AKAP6: variants seen among roughly 807,000 people sequenced by gnomAD.
AKAP6 encodes the protein A-kinase anchoring protein 6, also known as A-kinase anchor protein 6.
A neutral mutation model predicts 188.5 loss-of-function variants in AKAP6; 58 were observed. The ratio of observed to expected loss-of-function variants is 0.31; its 90% confidence interval spans 0.25 to 0.38. The LOEUF is 0.38. AKAP6 is among the 10% of genes least tolerant of loss of function. AKAP6 has a pLI of 1.00. For synonymous variants in AKAP6, 989 were observed against 998.6 expected (o/e 0.99, Z 0.18); for missense variants, 2,710 against 2,740.0 (o/e 0.99, Z 0.24).
intron 7 of AKAP6, among the ~76,000 whole-genome samples, chr14:32,618,810 C>T (rs1326853189): frequency 1.3e-5 from 2 of 152,186 alleles, no homozygotes; most frequent in African/African-American, 2.4e-5. Context: ...TACATTCCCA[C>T]CAGCAGTGTA....
At position 32,535,269 on chromosome 14, in the gene AKAP6, G is replaced by A. The variant is rs551909890; in HGVS notation, c.325-285G>A. On this transcript the variant is annotated intron_variant, in intron 2 of 13. Coordinates refer to ENST00000280979, the MANE Select transcript of AKAP6 (RefSeq NM_004274.5). ...AAAAAAGAGAGCAGTGAATTGGAGA[G>A]ATGCACCTCTCACCTTGGCTGACTT... Among the ~76,000 whole-genome samples, 143 of 152,300 alleles carry A rather than the reference G, an allele frequency of 9.4e-4. 1 individual carries two copies. Among genetic ancestry groups the A allele is most frequent in the African/African-American group, 1.8e-3 (73 of 41,568 alleles).
chr14:32,429,639 A>G (rs2138693811), intron 1 of AKAP6, among the ~76,000 whole-genome samples: 1 of 152,354 alleles, frequency 6.6e-6, no homozygotes, highest in South Asian at 2.1e-4. Context: ...CACATATACC[A>G]TTCTTTTCCT....
intron 4 of AKAP6, among the ~76,000 whole-genome samples, chr14:32,564,099 T>A (rs1884085714): frequency 6.6e-6 from 1 of 152,162 alleles, no homozygotes. Context: ...AAATTATCAC[T>A]AGGTTACTTG....
At chr14:32,446,844 G>T (rs1890771068) in intron 2 of AKAP6, among the ~76,000 whole-genome samples, 1 of 152,022 alleles carries the variant, frequency 6.6e-6, no homozygotes, top group African/African-American at 2.4e-5. Flanking sequence ...TTATTTGATA[G>T]AATTTTATGG....
chr14:32,829,895 C>A lies in AKAP6; in HGVS notation c.*90C>A. ...GGTGGCCTCATCCTCCCGCCCTGGG[C>A]TGGCCTCTGGTTCCATCACGTTTGT... On this transcript the variant is annotated 3_prime_UTR_variant, in exon 14 of 14. Transcript: ENST00000280979. 1.4e-6 allele frequency: 1 copy of A among 702,736 alleles called. No homozygotes were observed. Among genetic ancestry groups the A allele is most frequent in the Middle Eastern group, 2.3e-4 (1 of 4,364 alleles). The allele number at this position is 702,736 out of a possible 1,614,324, so 43.5% of individuals were successfully genotyped here. A position where few individuals can be genotyped will look rare whatever the true frequency, so the allele number is the denominator to read the frequency against.
chr14:32,363,877 A>G (rs1887742153), intron 1 of AKAP6, among the ~76,000 whole-genome samples: 2 of 152,212 alleles, frequency 1.3e-5, no homozygotes. Context: ...TAAAAAGGCG[A>G]ATAGGTGGTT....
chr14:32,419,300 G>C (rs1247019963), intron 1 of AKAP6, among the ~76,000 whole-genome samples: 3 of 152,256 alleles, frequency 2.0e-5, no homozygotes, highest in African/African-American at 7.2e-5. Context: ...TGACATCAGA[G>C]TCTTCTAAGG....
At chr14:32,507,018 G>C (rs1880915971) in intron 2 of AKAP6, among the ~76,000 whole-genome samples, 1 of 152,072 alleles carries the variant, frequency 6.6e-6, no homozygotes, top group Non-Finnish European at 1.5e-5. Flanking sequence ...GGAGACACTG[G>C]TGACTAGCAT....
chr14:32,448,085 G>A (rs1371638090), intron 2 of AKAP6, among the ~76,000 whole-genome samples: 3 of 152,180 alleles, frequency 2.0e-5, no homozygotes, highest in Non-Finnish European at 4.4e-5. Context: ...TTTGTAGTTG[G>A]ATAACAATAC....
rs141997569 is a variant in AKAP6, at chr14:32,394,466, C to A, written c.-34-38994C>A. Among the ~76,000 whole-genome samples the A allele has an allele frequency of 6.1e-3, 929 of 152,226 alleles. 47 individuals are homozygous for A. The highest frequency in any genetic ancestry group is 0.054 in the Admixed American group (827 of 15,282). ...ACTTCTACAAGGTGAGATGGAACAT[C>A]AGTGTCAGAGTCTCAAAAAGAATAA... On this transcript the variant is annotated intron_variant, in intron 1 of 13. Transcript: ENST00000280979.
intron 12 of AKAP6, among the ~76,000 whole-genome samples, chr14:32,814,854 G>A (rs1319953277): frequency 1.3e-5 from 2 of 152,032 alleles, no homozygotes; most frequent in African/African-American, 2.4e-5. Context: ...TCAGCCTTAC[G>A]AGTAGCTGGG....
At chr14:32,799,471 A>T (rs1274617763) in intron 12 of AKAP6, among the ~76,000 whole-genome samples, 2 of 146,640 alleles carry the variant, frequency 1.4e-5, no homozygotes, top group African/African-American at 5.0e-5. Context: ...AGCTCTAAGC[A>T]CTACTTTTGT....
chr14:32,368,057 T>C (rs1011783281), intron 1 of AKAP6, among the ~76,000 whole-genome samples: 3 of 152,160 alleles, frequency 2.0e-5, no homozygotes, highest in African/African-American at 4.8e-5. Flanking sequence ...TAATCTTTTT[T>C]CTAGAAATTT....
chr14:32,821,318 TC>T, intron 12 of AKAP6, 83 bp from the exon 13 acceptor site: 1 of 1,456,382 alleles, frequency 6.9e-7, no homozygotes, highest in Non-Finnish European at 9.2e-7. Context: ...CTTTCCTGAG[TC>T]TTCTGAGAGA....
At chr14:32,669,696 C>G (rs941527938) in intron 7 of AKAP6, among the ~76,000 whole-genome samples, 2 of 152,174 alleles carry the variant, frequency 1.3e-5, no homozygotes. Context: ...AATTGACTCA[C>G]AGTTCTGCAT....
chr14:32,475,474 T>G (rs754601249), intron 2 of AKAP6, among the ~76,000 whole-genome samples: 1 of 152,148 alleles, frequency 6.6e-6, no homozygotes, highest in Admixed American at 6.5e-5. Flanking sequence ...GGGCAAGATG[T>G]CTTGAAGGAC....
At chr14:32,493,931 G>A (rs377243686) in intron 2 of AKAP6, among the ~76,000 whole-genome samples, 13 of 152,114 alleles carry the variant, frequency 8.5e-5, no homozygotes, top group African/African-American at 2.9e-4. Context: ...GCACTGAGGA[G>A]GGGTCATTAA....
Position 32,823,622 on chromosome 14 carries a change from G to A in AKAP6, c.5809G>A (p.Ala1937Thr), listed in dbSNP as rs1208127627. ...ISESEHCKCK[A>T]LMDSLDDSNT... ...AGAGAGTGAGCATTGTAAGTGTAAAGCACTTATGGATAGTTTAGATGATTC... is the reference window on the plus strand; with the variant it reads ...AGAGAGTGAGCATTGTAAGTGTAAAACACTTATGGATAGTTTAGATGATTC... Residue 1937 changes from alanine (A) to threonine (T), a missense_variant, in exon 13 of 14, where the codon GCA becomes ACA. Transcript: ENST00000280979. The A allele has an allele frequency of 6.2e-7, 1 of 1,613,766 alleles. No homozygotes were observed. Among genetic ancestry groups the A allele is most frequent in the East Asian group, 2.2e-5 (1 of 44,860 alleles).
intron 9 of AKAP6, among the ~76,000 whole-genome samples, chr14:32,701,236 A>G (rs1321714076): frequency 1.3e-5 from 2 of 152,186 alleles, no homozygotes; most frequent in African/African-American, 4.8e-5. Context: ...CAGACTGGAG[A>G]AAATATACAT....
Sources: allele counts gnomAD v4.1 joint callset (sites outside exome capture counted in the v4.1 genomes callset), GRCh38; gene constraint gnomAD v4.1.1; transcripts MANE v1.5; gene names NCBI Gene and HGNC (gene_info 2026-07-23, HGNC 2026-07-21).